The following GRIN3A variants were observed in gnomAD, a reference collection of about 807,000 sequenced individuals.
GRIN3A encodes the protein glutamate receptor ionotropic, NMDA 3A.
In GRIN3A, 47 loss-of-function variants were observed where a neutral mutation model predicts 92.4. That is an observed-to-expected ratio of 0.51 (90% CI 0.40 to 0.65). GRIN3A has a LOEUF of 0.65. Ranked by LOEUF, GRIN3A falls within the 30% of genes least tolerant of loss-of-function variation. GRIN3A has a pLI of 0.00. For synonymous variants in GRIN3A, 527 were observed against 540.6 expected (o/e 0.97, Z 0.35); for missense variants, 1,324 against 1,393.1 (o/e 0.95, Z 0.79).
chr9:101,737,985 A>G lies in GRIN3A; in HGVS notation c.-6T>C. On this transcript the variant is annotated 5_prime_UTR_variant, in exon 1 of 9. Transcript: ENST00000361820. ...CACAAACTCAGTCTCCTCATTACTGAGACCCGCAGGGAGAAAGCGCGCCCC... is the reference window on the plus strand; with the variant it reads ...CACAAACTCAGTCTCCTCATTACTGGGACCCGCAGGGAGAAAGCGCGCCCC... The G allele has an allele frequency of 6.5e-7, 1 of 1,533,788 alleles. No individual in the cohort carries two copies. Among genetic ancestry groups the G allele is most frequent in the East Asian group, 2.4e-5 (1 of 40,956 alleles).
chr9:101,727,065 C>CTACAAAAGTTACTACAAGTAACT (rs1276052329), intron 1 of GRIN3A, among the ~76,000 whole-genome samples: 33 of 152,132 alleles, frequency 2.2e-4, no homozygotes, highest in African/African-American at 7.7e-4. Context: ...TGTTCTGCAG[C>CTACAAAAGTTACTACAAGTAACT]ACAAGTAACT....
Position 101,625,888 on chromosome 9 carries a change from A to G in GRIN3A, c.2498+2368T>C, listed in dbSNP as rs532869570. ...TTTGTGGTAGCAATATGACAATAAA[A>G]AAGATGAGGTTCATTTCAGTTTTTT... On this transcript the variant is annotated intron_variant, in intron 4 of 8. Transcript: ENST00000361820. Among the ~76,000 whole-genome samples the G allele has an allele frequency of 8.5e-5, 13 of 152,372 alleles. No homozygotes were observed. In the East Asian group the frequency reaches 2.5e-3, roughly 29 times the overall value.
At chr9:101,608,865 G>A (rs1376832666) in intron 6 of GRIN3A, among the ~76,000 whole-genome samples, 1 of 152,172 alleles carries the variant, frequency 6.6e-6, no homozygotes, top group Non-Finnish European at 1.5e-5. Context: ...AATATTAAGG[G>A]AAGCCAGAAT....
At position 101,579,360 on chromosome 9, in the gene GRIN3A, T is replaced by C. The variant is rs1200634921; in HGVS notation, c.2767A>G (p.Thr923Ala). The change falls in exon 7 of 9, where the codon ACT becomes GCT. Residue 923 changes from threonine (T) to alanine (A), a missense_variant and splice_region_variant. By Grantham distance (58) the Thr-to-Ala change is moderately conservative. Transcript: ENST00000361820. ...CGKRSFAVTE[T>A]LQMGIKHFSG... is the part of the protein sequence containing the mutation. Reference sequence around the variant, plus strand: ...AAGTGTTTGATGCCCATTTGCAAAGTCTGTGACAGAATAGGAAAGAAAAGG... The same window carrying C: ...AAGTGTTTGATGCCCATTTGCAAAGCCTGTGACAGAATAGGAAAGAAAAGG... 1.9e-6 allele frequency: 3 copies of C among 1,613,824 alleles called. No individual in the cohort carries two copies. Among genetic ancestry groups the C allele is most frequent in the Non-Finnish European group, 2.5e-6 (3 of 1,179,836 alleles).
intron 6 of GRIN3A, among the ~76,000 whole-genome samples, chr9:101,590,538 C>A (rs548573440): frequency 6.6e-6 from 1 of 151,872 alleles, no homozygotes; most frequent in African/African-American, 2.4e-5. Context: ...CGTGCCACCA[C>A]GCCCAGCTAA....
At chr9:101,637,596 T>C (rs1474325993) in intron 3 of GRIN3A, among the ~76,000 whole-genome samples, 1 of 152,238 alleles carries the variant, frequency 6.6e-6, no homozygotes, top group African/African-American at 2.4e-5. Flanking sequence ...ACTTCCCATA[T>C]TTCAAGCATT....
chr9:101,640,268 T>G (rs754526267), intron 3 of GRIN3A, among the ~76,000 whole-genome samples: 8 of 152,378 alleles, frequency 5.3e-5, no homozygotes, highest in Admixed American at 2.0e-4. Context: ...CATTTGCTTC[T>G]GCTGCATGAA....
At position 101,583,038 on chromosome 9, in the gene GRIN3A, A is replaced by G. The variant is rs567938835; in HGVS notation, c.2767-3678T>C. On this transcript the variant is annotated intron_variant, in intron 6 of 8. Coordinates refer to ENST00000361820, the MANE Select transcript of GRIN3A (RefSeq NM_133445.3). ...GCATTTAATACATATGCCAGATACA[A>G]TATACCTGTATTATGATCTTATAAT... 5.9e-5 allele frequency among the ~76,000 whole-genome samples: 9 copies of G among 152,324 alleles called. No individual in the cohort carries two copies. The East Asian group carries it at 7.7e-4, about 13-fold the overall frequency.
chr9:101,613,354 A>G (rs1564126339), intron 6 of GRIN3A, 22 bp downstream of exon 6: 2 of 1,613,884 alleles, frequency 1.2e-6, no homozygotes, highest in Non-Finnish European at 8.5e-7. Flanking sequence ...ACGTGTCACC[A>G]TTTTCAACAG....
intron 6 of GRIN3A, among the ~76,000 whole-genome samples, chr9:101,603,609 G>A (rs997945047): frequency 1.3e-5 from 2 of 152,140 alleles, no homozygotes; most frequent in Non-Finnish European, 2.9e-5. Flanking sequence ...TTGAGGAGGT[G>A]GTAGGGAAGC....
Position 101,594,238 on chromosome 9 carries a change from AAGG to A in GRIN3A, c.2767-14881_2767-14879del. On this transcript the variant is annotated intron_variant, in intron 6 of 8. Coordinates refer to ENST00000361820, the MANE Select transcript of GRIN3A (RefSeq NM_133445.3). ...ATAGGGTACCCTGAGTCATTCAGAGAAGGAGAATTAATAGCACTGAGTTGGTGA... is the reference window on the plus strand; with the variant it reads ...ATAGGGTACCCTGAGTCATTCAGAGAAGAATTAATAGCACTGAGTTGGTGA... The A allele has an allele frequency of 4.9e-6, 4 of 808,330 alleles. No individual in the cohort carries two copies. The Admixed American group carries it at 1.2e-4, about 25-fold the overall frequency. 50.1% of individuals were successfully genotyped at this position (808,330 alleles called of 1,614,324 possible). A position where few individuals can be genotyped will look rare whatever the true frequency, so the allele number is the denominator to read the frequency against.
At chr9:101,681,633 C>T (rs1171756927) in intron 2 of GRIN3A, among the ~76,000 whole-genome samples, 4 of 152,218 alleles carry the variant, frequency 2.6e-5, no homozygotes, top group Non-Finnish European at 5.9e-5. Context: ...GTTTTTCCCT[C>T]ATCACCAAAT....
chr9:101,622,048 C>T (rs1554718291), intron 5 of GRIN3A, among the ~76,000 whole-genome samples: 1 of 152,214 alleles, frequency 6.6e-6, no homozygotes, highest in Non-Finnish European at 1.5e-5. Flanking sequence ...TGCTAATTGC[C>T]TCTCTTTCTG....
chr9:101,620,751 C>A (rs972925107), intron 5 of GRIN3A, among the ~76,000 whole-genome samples: 4 of 151,984 alleles, frequency 2.6e-5, no homozygotes, highest in African/African-American at 4.8e-5. Flanking sequence ...ACTAAATGAC[C>A]AAGTATTGCT....
At chr9:101,624,111 A>G (rs1476331667) in intron 4 of GRIN3A, among the ~76,000 whole-genome samples, 1 of 152,234 alleles carries the variant, frequency 6.6e-6, no homozygotes, top group Admixed American at 6.5e-5. Context: ...ACAGTTTCAG[A>G]AAAGCTCTTA....
intron 6 of GRIN3A, chr9:101,594,840 T>TA: frequency 6.2e-7 from 1 of 1,608,538 alleles, no homozygotes; most frequent in South Asian, 1.1e-5. Context: ...TCCAACTTCT[T>TA]AAACCTCCTG....
At chr9:101,587,237 G>A (rs1308334056) in intron 6 of GRIN3A, among the ~76,000 whole-genome samples, 1 of 151,200 alleles carries the variant, frequency 6.6e-6, no homozygotes, top group Non-Finnish European at 1.5e-5. Context: ...TTGAATCCGG[G>A]AGGCAGAGGC....
At chr9:101,692,842 C>T (rs777409000) in intron 1 of GRIN3A, among the ~76,000 whole-genome samples, 42 of 152,240 alleles carry the variant, frequency 2.8e-4, no homozygotes, top group Non-Finnish European at 4.9e-4. Context: ...GCAGCCCAGG[C>T]TTTTAAATAA....
In GRIN3A at chr9:101,571,903, A is replaced by G. The variant is rs1040242027; in HGVS notation, c.*1271T>C. 6.6e-6 allele frequency: 1 copy of G among 152,176 alleles called. No individual in the cohort carries two copies. Among genetic ancestry groups the G allele is most frequent in the African/African-American group, 2.4e-5 (1 of 41,430 alleles). The allele number at this position is 152,176 out of a possible 1,614,324, so 9.4% of individuals were successfully genotyped here. A position where few individuals can be genotyped will look rare whatever the true frequency, so the allele number is the denominator to read the frequency against. Reference sequence around the variant, plus strand: ...CTAGATGACTCTTATCTACATTGACATTTGAGAACTGACCCATATTCCTTT... The same window carrying G: ...CTAGATGACTCTTATCTACATTGACGTTTGAGAACTGACCCATATTCCTTT... On this transcript the variant is annotated 3_prime_UTR_variant, in exon 9 of 9. Transcript: ENST00000361820.
Sources: gnomAD v4.1 joint callset for allele counts (sites outside exome capture counted in the v4.1 genomes callset) on GRCh38, gnomAD v4.1.1 for gene constraint, MANE v1.5 for transcripts, NCBI Gene and HGNC (gene_info 2026-07-23, HGNC 2026-07-21) for gene names.